Variants in ABL1 observed in about 807,000 individuals in gnomAD.
The protein encoded by ABL1 is ABL proto-oncogene 1, non-receptor tyrosine kinase, also known as tyrosine-protein kinase ABL1.
Under a neutral mutation model 94.7 loss-of-function variants are expected in ABL1, and 11 were observed. The observed-to-expected ratio is 0.12, with a 90% CI of 0.07 to 0.19. The LOEUF is 0.19. ABL1 is among the 10% of genes least tolerant of loss of function. ABL1 has a pLI of 1.00. For missense variants in ABL1, 1,082 were observed against 1,489.4 expected, an observed-to-expected ratio of 0.73 and a Z score of 4.50; for synonymous variants, 656 against 622.4, an observed-to-expected ratio of 1.05 and a Z score of -0.80.
chr9:130,745,854 A>C (rs1244369446), intron 1 of ABL1, among the ~76,000 whole-genome samples: 2 of 152,134 alleles, frequency 1.3e-5, no homozygotes, highest in Non-Finnish European at 2.9e-5. Flanking sequence ...AGATCAAATA[A>C]ATAAAGTGGA....
At chr9:130,868,184 T>A (rs1163059945) in intron 4 of ABL1, among the ~76,000 whole-genome samples, 1 of 152,142 alleles carries the variant, frequency 6.6e-6, no homozygotes, top group Non-Finnish European at 1.5e-5. Context: ...GGTCTCGATC[T>A]CCTGACTTCA....
chr9:130,724,535 C>T (rs1395128147), intron 1 of ABL1, among the ~76,000 whole-genome samples: 2 of 151,528 alleles, frequency 1.3e-5, no homozygotes, highest in African/African-American at 4.9e-5. Context: ...CTTGGCTGGG[C>T]TCGGTGGCTC....
chr9:130,771,758 T>C (rs1441508459), intron 1 of ABL1, among the ~76,000 whole-genome samples: 1 of 143,764 alleles, frequency 7.0e-6, no homozygotes, highest in Non-Finnish European at 1.5e-5. Context: ...CTTTCTTTTT[T>C]TTTTTTTTTT....
chr9:130,714,264 G>C, exon 1 of ABL1: 14 of 1,511,504 alleles, frequency 9.3e-6, no homozygotes, highest in South Asian at 1.3e-5. Context: ...TACGCTCGCT[G>C]ACCGTTCTGG....
At chr9:130,868,267 G>A (rs3780282) in intron 4 of ABL1, among the ~76,000 whole-genome samples, 47,570 of 152,058 alleles carry the variant, frequency 0.31, 12,022 homozygotes, top group African/African-American at 0.7. Context: ...AGTCTCTTCA[G>A]TGTATTTAGC....
rs750662730 is a variant in ABL1 at position 130,884,408 on chromosome 9, T to C, written c.2118T>C (p.Gly706=). The change falls in exon 11 of 11, where the codon GGT becomes GGC. Residue 706 remains glycine, a synonymous_variant. Coordinates refer to ENST00000318560, the MANE Select transcript of ABL1 (RefSeq NM_005157.6). This position sits in a 1 kb window ranked among gnomAD's most constrained non-coding sequence, Gnocchi z 5.6. ...TAGCCACCGGCGAGGAGGAGGGCGG[T>C]GGCAGCTCCAGCAAGCGCTTCCTGC... The part of the protein sequence containing the change: ...SRLATGEEEG[G]GSSSKRFLRS... The C allele has an allele frequency of 6.2e-7, 1 of 1,611,862 alleles. No individual in the cohort carries two copies. Among genetic ancestry groups the C allele is most frequent in the African/African-American group, 1.3e-5 (1 of 74,896 alleles).
At chr9:130,795,095 G>C (rs547695120) in intron 1 of ABL1, among the ~76,000 whole-genome samples, 2 of 152,310 alleles carry the variant, frequency 1.3e-5, no homozygotes, top group East Asian at 3.9e-4. Flanking sequence ...GGCTGGCCTA[G>C]TTAGTGTTAC....
At chr9:130,728,693 T>TG (rs1831623630) in intron 1 of ABL1, among the ~76,000 whole-genome samples, 1 of 150,346 alleles carries the variant, frequency 6.7e-6, no homozygotes, top group Non-Finnish European at 1.5e-5. Flanking sequence ...CCCAGCCTGT[T>TG]TTTTTTTTTT....
At chr9:130,720,666 T>G (rs1417694442) in intron 1 of ABL1, among the ~76,000 whole-genome samples, 1 of 152,142 alleles carries the variant, frequency 6.6e-6, no homozygotes, top group Admixed American at 6.6e-5. Flanking sequence ...GATGTATGTT[T>G]CAGTATGAAA....
At chr9:130,721,542 C>A (rs1444013885) in intron 1 of ABL1, among the ~76,000 whole-genome samples, 1 of 152,086 alleles carries the variant, frequency 6.6e-6, no homozygotes, top group Non-Finnish European at 1.5e-5. Flanking sequence ...AACCCCATCT[C>A]TACTAACAGT....
intron 1 of ABL1, among the ~76,000 whole-genome samples, chr9:130,773,344 TAAATAAA>T (rs890128682): frequency 1.1e-3 from 162 of 152,102 alleles, no homozygotes; most frequent in African/African-American, 3.8e-3. Context: ...ATTTAAAAAA[TAAATAAA>T]AAATAAAAGA....
chr9:130,715,255 A>G (rs1054829565), intron 1 of ABL1, among the ~76,000 whole-genome samples: 1 of 152,232 alleles, frequency 6.6e-6, no homozygotes, highest in African/African-American at 2.4e-5. Context: ...ACTGATGTCT[A>G]TAACCAGTTA....
chr9:130,714,676 G>T (rs1034487965), intron 1 of ABL1, among the ~76,000 whole-genome samples: 2 of 152,174 alleles, frequency 1.3e-5, no homozygotes, highest in African/African-American at 4.8e-5. Flanking sequence ...TTTCTTGCCT[G>T]ATTCCTCTGC....
chr9:130,808,831 C>T (rs1830166565), intron 1 of ABL1, among the ~76,000 whole-genome samples: 1 of 152,154 alleles, frequency 6.6e-6, no homozygotes, highest in African/African-American at 2.4e-5. Context: ...ATTGGCTAAG[C>T]TAATGGGGCT....
intron 1 of ABL1, among the ~76,000 whole-genome samples, chr9:130,754,381 A>G (rs1435648913): frequency 7.2e-6 from 1 of 138,722 alleles, no homozygotes; most frequent in Admixed American, 7.3e-5. Flanking sequence ...GGTGGCGGGC[A>G]CCTGTAGTCC....
intron 1 of ABL1, among the ~76,000 whole-genome samples, chr9:130,746,030 GAGAGACA>G (rs1478446691): frequency 2.0e-5 from 3 of 152,112 alleles, no homozygotes; most frequent in Admixed American, 6.6e-5. Flanking sequence ...TGGCCAAATA[GAGAGACA>G]AGGGTGACAT....
intron 1 of ABL1, among the ~76,000 whole-genome samples, chr9:130,819,081 C>T (rs1197480630): frequency 7.2e-5 from 11 of 152,138 alleles, no homozygotes; most frequent in African/African-American, 2.4e-4. Context: ...CTGCCGGGCG[C>T]GATGGCTCAT....
chr9:130,739,593 C>T (rs1305709678), intron 1 of ABL1, among the ~76,000 whole-genome samples: 1 of 152,062 alleles, frequency 6.6e-6, no homozygotes, highest in Non-Finnish European at 1.5e-5. Context: ...TGAAAGTTAT[C>T]CTAATTAAAA....
At chr9:130,809,417 A>AGAGAGT (rs1389499231) in intron 1 of ABL1, among the ~76,000 whole-genome samples, 74 of 84,408 alleles carry the variant, frequency 8.8e-4, no homozygotes, top group Middle Eastern at 6.8e-3. Context: ...AGAGAGAGAG[A>AGAGAGT]GTGTGTGTGT....
Sources: gnomAD v4.1 joint callset for allele counts (sites outside exome capture counted in the v4.1 genomes callset) on GRCh38, gnomAD v4.1.1 for gene constraint, Gnocchi (gnomAD v3.1) non-coding constraint, MANE v1.5 for transcripts, NCBI Gene and HGNC (gene_info 2026-07-23, HGNC 2026-07-21) for gene names.